GRIK2: variants seen among roughly 807,000 people sequenced by gnomAD.
GRIK2 encodes glutamate ionotropic receptor kainate type subunit 2.
In GRIK2, 32 loss-of-function variants were observed where a neutral mutation model predicts 100.3. The ratio of observed to expected loss-of-function variants is 0.32; its 90% confidence interval spans 0.24 to 0.43. GRIK2 has a LOEUF of 0.43. Among genes scored for constraint, GRIK2 ranks in the 20% least tolerant of loss-of-function variants. The pLI is 1.00. For synonymous variants in GRIK2, 417 were observed against 389.4 expected, an observed-to-expected ratio of 1.07 and a Z score of -0.83; for missense variants, 843 against 1,114.9, an observed-to-expected ratio of 0.76 and a Z score of 3.47.
chr6:101,490,349 G>T (rs1270703102), intron 2 of GRIK2, among the ~76,000 whole-genome samples: 1 of 146,586 alleles, frequency 6.8e-6, no homozygotes, highest in Non-Finnish European at 1.5e-5. Context: ...CTTCTCCAAA[G>T]ATATGGAGCC....
chr6:101,559,385 A>C (rs1776894166), intron 2 of GRIK2, among the ~76,000 whole-genome samples: 1 of 152,118 alleles, frequency 6.6e-6, no homozygotes, highest in Non-Finnish European at 1.5e-5. Flanking sequence ...CTATGTTTCC[A>C]GTCCTAAAAT....
chr6:101,604,196 T>A (rs1395028577), intron 2 of GRIK2, among the ~76,000 whole-genome samples: 1 of 151,674 alleles, frequency 6.6e-6, no homozygotes, highest in Non-Finnish European at 1.5e-5. Flanking sequence ...GAACCCTTTG[T>A]TTCTCATTAA....
At chr6:101,932,505 G>A (rs1790353334) in intron 14 of GRIK2, among the ~76,000 whole-genome samples, 1 of 151,282 alleles carries the variant, frequency 6.6e-6, no homozygotes, top group African/African-American at 2.4e-5. Context: ...ACTTATTCCA[G>A]GGAAACTCTC....
chr6:101,648,554 A>C (rs531278918), intron 4 of GRIK2, among the ~76,000 whole-genome samples: 1 of 152,082 alleles, frequency 6.6e-6, no homozygotes, highest in South Asian at 2.1e-4. Flanking sequence ...AATATTTTTT[A>C]GTTTTTTTTA....
intron 7 of GRIK2, among the ~76,000 whole-genome samples, chr6:101,777,798 G>A (rs1778844167): frequency 1.3e-5 from 2 of 152,170 alleles, no homozygotes; most frequent in East Asian, 1.9e-4. Flanking sequence ...ATCTCAAAGG[G>A]GACCTGCCTG....
intron 2 of GRIK2, among the ~76,000 whole-genome samples, chr6:101,473,180 C>T (rs1772046414): frequency 1.3e-5 from 2 of 148,406 alleles, no homozygotes; most frequent in Non-Finnish European, 3.0e-5. Context: ...TTTCTTCCTT[C>T]CCTCCCTCGC....
chr6:101,885,851 A>G (rs2128455721), intron 11 of GRIK2, among the ~76,000 whole-genome samples: 1 of 152,086 alleles, frequency 6.6e-6, no homozygotes, highest in South Asian at 2.1e-4. Flanking sequence ...ATTTTCCCCT[A>G]TTATTAACAA....
chr6:101,710,713 C>T (rs556668499), intron 7 of GRIK2, among the ~76,000 whole-genome samples: 14 of 151,878 alleles, frequency 9.2e-5, no homozygotes, highest in Non-Finnish European at 1.6e-4. Flanking sequence ...TTCCTTTCCG[C>T]GTAGGCTGTC....
chr6:101,557,363 A>G (rs1274848839), intron 2 of GRIK2, among the ~76,000 whole-genome samples: 1 of 152,164 alleles, frequency 6.6e-6, no homozygotes, highest in Non-Finnish European at 1.5e-5. Context: ...GTTAAGGGCA[A>G]TTTTTAAAAA....
intron 2 of GRIK2, among the ~76,000 whole-genome samples, chr6:101,520,257 C>G (rs919940975): frequency 2.7e-5 from 4 of 150,752 alleles, no homozygotes; most frequent in Non-Finnish European, 5.9e-5. Flanking sequence ...TATTAGTTAA[C>G]TGCTATTATC....
chr6:101,589,454 A>T (rs1229347920), intron 2 of GRIK2, among the ~76,000 whole-genome samples: 1 of 152,042 alleles, frequency 6.6e-6, no homozygotes, highest in Non-Finnish European at 1.5e-5. Flanking sequence ...ACACCCACCC[A>T]CCACCACAAC....
At chr6:101,992,250 C>T (rs147581842) in intron 14 of GRIK2, among the ~76,000 whole-genome samples, 103 of 151,626 alleles carry the variant, frequency 6.8e-4, no homozygotes, top group Admixed American at 1.1e-3. Flanking sequence ...CGTTACATGA[C>T]CTCTGATTAA....
chr6:102,040,912 A>G (rs923727410), intron 15 of GRIK2, among the ~76,000 whole-genome samples: 1 of 151,588 alleles, frequency 6.6e-6, no homozygotes, highest in African/African-American at 2.4e-5. Flanking sequence ...ATTAAAATGC[A>G]TTCTATTTTC....
chr6:101,881,691 A>C lies in GRIK2; in HGVS notation c.1525-7949A>C, dbSNP rs969516491. Reference sequence around the variant, plus strand: ...ATCAGAACACATCTCTAAAAAAAAAAAAAATAGAAAAATTGGCCAGATGTG... The same window carrying C: ...ATCAGAACACATCTCTAAAAAAAAACAAAATAGAAAAATTGGCCAGATGTG... On this transcript the variant is annotated intron_variant, in intron 11 of 16. Transcript: ENST00000369134. 1.3e-5 allele frequency among the ~76,000 whole-genome samples: 2 copies of C among 151,724 alleles called. 1 individual carries two copies. Among genetic ancestry groups the C allele is most frequent in the East Asian group, 3.9e-4 (2 of 5,150 alleles).
chr6:101,869,932 T>C (rs1031370090), intron 11 of GRIK2, among the ~76,000 whole-genome samples: 4 of 151,894 alleles, frequency 2.6e-5, no homozygotes, highest in Admixed American at 2.0e-4. Flanking sequence ...TTTTATTATA[T>C]CTGAAAGGTA....
chr6:101,943,960 C>T (rs1440025302), intron 14 of GRIK2, among the ~76,000 whole-genome samples: 1 of 152,072 alleles, frequency 6.6e-6, no homozygotes, highest in Non-Finnish European at 1.5e-5. Context: ...TGTCCCTACC[C>T]AAATCTCATG....
chr6:101,514,617 C>T (rs1774490218), intron 2 of GRIK2, among the ~76,000 whole-genome samples: 1 of 152,008 alleles, frequency 6.6e-6, no homozygotes, highest in Non-Finnish European at 1.5e-5. Context: ...TATATAGAAA[C>T]ACTGGTGTTT....
intron 13 of GRIK2, among the ~76,000 whole-genome samples, chr6:101,926,337 C>T (rs1282524591): frequency 6.6e-6 from 1 of 151,264 alleles, no homozygotes; most frequent in South Asian, 2.1e-4. Context: ...TTGAGTAATA[C>T]AAGTCACCCA....
chr6:102,019,750 TAACA>T (rs555198258), intron 14 of GRIK2, among the ~76,000 whole-genome samples: 162 of 152,124 alleles, frequency 1.1e-3, no homozygotes, highest in Admixed American at 2.0e-3. Context: ...TGCTCTCTTC[TAACA>T]AATCATCCTT....
Sources: allele counts gnomAD v4.1 joint callset (sites outside exome capture counted in the v4.1 genomes callset), GRCh38; gene constraint gnomAD v4.1.1; transcripts MANE v1.5; gene names NCBI Gene and HGNC (gene_info 2026-07-23, HGNC 2026-07-21).